The following NFIB variants were observed in gnomAD, a reference collection of about 807,000 sequenced individuals.
NFIB encodes nuclear factor I B.
Under a neutral mutation model 61.5 loss-of-function variants are expected in NFIB, and 11 were observed. That is an observed-to-expected ratio of 0.18 (90% confidence interval 0.11 to 0.30). NFIB has a LOEUF of 0.30. NFIB is among the 10% of genes least tolerant of loss of function. NFIB has a pLI of 1.00. For synonymous variants in NFIB, 260 were observed against 216.5 expected, an observed-to-expected ratio of 1.20 and a Z score of -1.76; for missense variants, 471 against 608.9, an observed-to-expected ratio of 0.77 and a Z score of 2.38.
At chr9:14,393,577 A>T (rs2061649780) in intron 1 of NFIB, among the ~76,000 whole-genome samples, 1 of 152,160 alleles carries the variant, frequency 6.6e-6, no homozygotes, top group Non-Finnish European at 1.5e-5. Context: ...TTTAGCTCTG[A>T]GTCCAGCACA....
At chr9:14,343,501 A>T (rs1218450273) in intron 1 of NFIB, among the ~76,000 whole-genome samples, 1 of 152,162 alleles carries the variant, frequency 6.6e-6, no homozygotes, top group African/African-American at 2.4e-5. Flanking sequence ...ATTAAAAAAA[A>T]GTGTGAAAGG....
intron 2 of NFIB, among the ~76,000 whole-genome samples, chr9:14,186,349 C>T (rs2131507516): frequency 6.6e-6 from 1 of 152,192 alleles, no homozygotes; most frequent in South Asian, 2.1e-4. Context: ...GAAGAAATAG[C>T]CCATTGTCAA....
chr9:14,344,772 G>A (rs1554715563), intron 1 of NFIB, among the ~76,000 whole-genome samples: 3 of 127,162 alleles, frequency 2.4e-5, no homozygotes, highest in African/African-American at 5.1e-5. Flanking sequence ...ACAAAAAGGA[G>A]AAAAAAAATC....
chr9:14,497,472 A>G, the NFIB span, among the ~76,000 whole-genome samples: 1 of 152,198 alleles, frequency 6.6e-6, no homozygotes, highest in African/African-American at 2.4e-5. Context: ...TGGGTCCTAT[A>G]GTTGAGATTC....
At chr9:14,247,410 A>G (rs1201608925) in intron 2 of NFIB, among the ~76,000 whole-genome samples, 1 of 152,208 alleles carries the variant, frequency 6.6e-6, no homozygotes, top group Non-Finnish European at 1.5e-5. Flanking sequence ...CCATGCCCAG[A>G]ACAGGATTCT....
rs751770411 is a variant in NFIB, at chr9:14,150,255, G to A, written c.696C>T (p.Thr232=). The A allele has an allele frequency of 6.2e-7, 1 of 1,613,340 alleles. No individual in the cohort carries two copies. The highest frequency in any genetic ancestry group is 8.5e-7 in the Non-Finnish European group (1 of 1,179,460). ...ELVRVSRTPI[T]QGTGVNFPIG... The stretch of plus-strand genomic sequence containing the variant: ...TTGGGAAGTTGACTCCAGTTCCCTG[G>A]GTTATGGGCGCTGAGGAATAAGACA... Residue 232 remains threonine, a synonymous_variant, in exon 5 of 11, where the codon ACC becomes ACT. Coordinates refer to ENST00000380953, the MANE Select transcript of NFIB (RefSeq NM_001190737.2).
intron 2 of NFIB, among the ~76,000 whole-genome samples, chr9:14,285,334 G>A (rs963222448): frequency 3.9e-5 from 6 of 152,128 alleles, no homozygotes; most frequent in Non-Finnish European, 7.3e-5. Context: ...TGTCGGCCAG[G>A]CTGGTCCCGA....
At chr9:14,303,069 T>C (rs2059834434) in intron 2 of NFIB, among the ~76,000 whole-genome samples, 1 of 152,190 alleles carries the variant, frequency 6.6e-6, no homozygotes, top group Admixed American at 6.5e-5. Context: ...CCTTAACGCA[T>C]AGGTCTCCTC....
At chr9:14,270,593 AAAAAAAAAAAAAAAG>A (rs2057526390) in intron 2 of NFIB, among the ~76,000 whole-genome samples, 3 of 149,686 alleles carry the variant, frequency 2.0e-5, no homozygotes, top group Admixed American at 6.6e-5. Flanking sequence ...AAAAAAAAAA[AAAAAAAAAAAAAAAG>A]GCAGAGGACA....
Position 14,305,791 on chromosome 9 carries a change from C to T in NFIB, c.562+1198G>A, listed in dbSNP as rs2059987043. Reference sequence around the variant, plus strand: ...TAAAGCTCATAGCAGTTTATTAAGTCCCACATTTATATAACAAACCTCAGG... The same window carrying T: ...TAAAGCTCATAGCAGTTTATTAAGTTCCACATTTATATAACAAACCTCAGG... On this transcript the variant is annotated intron_variant, in intron 2 of 10. Coordinates refer to ENST00000380953, the MANE Select transcript of NFIB (RefSeq NM_001190737.2). 9.3e-6 allele frequency: 3 copies of T among 323,178 alleles called. No homozygotes were observed. In the South Asian group the frequency reaches 4.4e-4, roughly 48 times the overall value. The allele number at this position is 323,178 out of a possible 1,614,324, so 20.0% of individuals were successfully genotyped here. A position where few individuals can be genotyped will look rare whatever the true frequency, so the allele number is the denominator to read the frequency against.
the NFIB span, among the ~76,000 whole-genome samples, chr9:14,479,444 C>T: frequency 6.6e-6 from 1 of 152,164 alleles, no homozygotes; most frequent in African/African-American, 2.4e-5. Context: ...CTTTTGGCCA[C>T]ATTGCTTCTG....
rs1454794290 is a variant in NFIB, at chr9:14,133,057, C to CA, written c.926-7292dup. Among the ~76,000 whole-genome samples, 5 of 152,288 alleles carry CA rather than the reference C, an allele frequency of 3.3e-5. No homozygotes were observed. The South Asian group carries it at 1.0e-3, about 32-fold the overall frequency. On this transcript the variant is annotated intron_variant, in intron 6 of 10. Coordinates refer to ENST00000380953, the MANE Select transcript of NFIB (RefSeq NM_001190737.2). ...TACATAAGCACACTTAGCTTAGAGA[C>CA]AGTCCAATGGCTGGGATTTGACAAG...
intron 2 of NFIB, among the ~76,000 whole-genome samples, chr9:14,249,380 C>T (rs931270639): frequency 3.3e-5 from 5 of 152,116 alleles, no homozygotes; most frequent in Admixed American, 6.6e-5. Flanking sequence ...TAGTATTACT[C>T]GGAAATCTCA....
intron 2 of NFIB, among the ~76,000 whole-genome samples, chr9:14,229,788 TC>T (rs2052893742): frequency 6.6e-6 from 1 of 151,974 alleles, no homozygotes; most frequent in Non-Finnish European, 1.5e-5. Flanking sequence ...AAATATCCCC[TC>T]CCAACCTGAC....
At chr9:14,255,547 T>C (rs1377326195) in intron 2 of NFIB, among the ~76,000 whole-genome samples, 1 of 152,212 alleles carries the variant, frequency 6.6e-6, no homozygotes, top group Non-Finnish European at 1.5e-5. Flanking sequence ...TGACCAGATA[T>C]GGGCTGGTAA....
chr9:14,356,557 G>C (rs1397226451), intron 1 of NFIB, among the ~76,000 whole-genome samples: 1 of 152,096 alleles, frequency 6.6e-6, no homozygotes, highest in Admixed American at 6.5e-5. Context: ...ACAGCACCGA[G>C]ACAGAGCAAG....
At chr9:14,470,138 G>A in the NFIB span, among the ~76,000 whole-genome samples, 2 of 152,186 alleles carry the variant, frequency 1.3e-5, no homozygotes, top group Non-Finnish European at 2.9e-5. Flanking sequence ...CACCCTATGG[G>A]TTGTCATGAG....
At chr9:14,286,127 A>G (rs6474827) in intron 2 of NFIB, among the ~76,000 whole-genome samples, 132,903 of 152,160 alleles carry the variant, frequency 0.87, 58,225 homozygotes, top group Non-Finnish European at 0.91. Flanking sequence ...CATCTGAGGA[A>G]TTGGAGAAAT....
At chr9:14,166,426 C>A (rs2044796087) in intron 3 of NFIB, among the ~76,000 whole-genome samples, 1 of 152,128 alleles carries the variant, frequency 6.6e-6, no homozygotes, top group African/African-American at 2.4e-5. Context: ...AGTATTCTCC[C>A]ACTGTCTCCT....
Sources: gnomAD v4.1 joint callset for allele counts (sites outside exome capture counted in the v4.1 genomes callset) on GRCh38, gnomAD v4.1.1 for gene constraint, MANE v1.5 for transcripts, NCBI Gene and HGNC (gene_info 2026-07-23, HGNC 2026-07-21) for gene names.